MICALL1: variants seen among roughly 807,000 people sequenced by gnomAD.
MICALL1 encodes MICAL-like protein 1.
A neutral mutation model predicts 83.7 loss-of-function variants in MICALL1; 61 were observed. The ratio of observed to expected loss-of-function variants is 0.73; its 90% confidence interval spans 0.59 to 0.90. The LOEUF (loss-of-function observed/expected upper bound fraction) is 0.90. Among genes scored for constraint, MICALL1 ranks in the 40% least tolerant of loss-of-function variants. MICALL1 has a pLI of 0.00. For synonymous variants in MICALL1, 481 were observed against 473.6 expected (o/e 1.02, Z -0.20); for missense variants, 1,066 against 1,152.0 (o/e 0.93, Z 1.08).
At chr22:37,928,307 C>T (rs1037728410) in intron 9 of MICALL1, among the ~76,000 whole-genome samples, 2 of 151,900 alleles carry the variant, frequency 1.3e-5, no homozygotes, top group Non-Finnish European at 2.9e-5. Context: ...CCCAGGTTCA[C>T]ACCATTCTTC....
Position 37,912,412 on chromosome 22 carries a change from T to A in MICALL1, c.257T>A (p.Val86Asp), listed in dbSNP as rs1398081897. 3 of 1,613,956 alleles carry A rather than the reference T, an allele frequency of 1.9e-6. No individual in the cohort carries two copies. Among genetic ancestry groups the A allele is most frequent in the East Asian group, 4.5e-5 (2 of 44,870 alleles). ...IPALLDPNDM[V>D]SMSVPDCLSI... ...GCTCTCCTGGACCCCAATGACATGG[T>A]CTCCATGAGCGTCCCTGACTGCCTC... Residue 86 changes from valine (V) to aspartate (D), a missense_variant, in exon 3 of 16, where the codon GTC becomes GAC. Transcript: ENST00000215957.
chr22:37,940,667 C>T (rs1236676397), intron 15 of MICALL1, 42 bp from the exon 16 acceptor site: 2 of 1,609,656 alleles, frequency 1.2e-6, no homozygotes, highest in East Asian at 2.2e-5. Flanking sequence ...GGATGTACCC[C>T]TCTTCTCCAC....
At position 37,924,532 on chromosome 22, in the gene MICALL1, C is replaced by G. The variant is rs899261402; in HGVS notation, c.1025-128C>G. On this transcript the variant is annotated intron_variant, in intron 6 of 15. Coordinates refer to ENST00000215957, the MANE Select transcript of MICALL1 (RefSeq NM_033386.4). The surrounding 1 kb of genome is among the most constrained non-coding windows in gnomAD (Gnocchi z 5.2). ...GCTTATCTAATCTCCATGGGCTGGC[C>G]TGGGGAGGTGCGAGGGTGCCAGGAG... The G allele has an allele frequency of 7.1e-6, 6 of 850,188 alleles. No homozygotes were observed. The African/African-American group carries it at 1.0e-4, about 14-fold the overall frequency. 52.7% of individuals were successfully genotyped at this position (850,188 alleles called of 1,614,324 possible). A position where few individuals can be genotyped will look rare whatever the true frequency, so the allele number is the denominator to read the frequency against.
intron 13 of MICALL1, among the ~76,000 whole-genome samples, chr22:37,934,476 C>G (rs1326175914): frequency 2.6e-5 from 4 of 151,836 alleles, no homozygotes; most frequent in African/African-American, 9.7e-5. Flanking sequence ...TCCCCAGAAC[C>G]AGGTTGGGCC....
intron 6 of MICALL1, among the ~76,000 whole-genome samples, chr22:37,923,738 C>A (rs369291723): frequency 6.6e-6 from 1 of 152,278 alleles, no homozygotes; most frequent in South Asian, 2.1e-4. Context: ...CGTGTGTCCC[C>A]GAGCTCTCTG....
chr22:37,937,253 G>A (rs1288729736), intron 14 of MICALL1, 59 bp downstream of exon 14: 3 of 1,363,696 alleles, frequency 2.2e-6, no homozygotes, highest in Non-Finnish European at 3.0e-6. Context: ...CAGGCTCTGG[G>A]CCTCATGGGT....
At chr22:37,938,271 G>A (rs888574646) in intron 15 of MICALL1, among the ~76,000 whole-genome samples, 3 of 151,840 alleles carry the variant, frequency 2.0e-5, no homozygotes, top group Non-Finnish European at 4.4e-5. Flanking sequence ...GCGTGGTGGC[G>A]AGAGCTTGTA....
chr22:37,922,656 C>CTGGA (rs1929149195), intron 6 of MICALL1, among the ~76,000 whole-genome samples: 1 of 125,720 alleles, frequency 8.0e-6, no homozygotes, highest in African/African-American at 3.0e-5. Context: ...GTCCCCCAGG[C>CTGGA]TGGAGTGCAG....
chr22:37,937,217 G>A (rs781039874), intron 14 of MICALL1, 23 bp downstream of exon 14: 184 of 1,526,982 alleles, frequency 1.2e-4, no homozygotes, highest in Non-Finnish European at 1.5e-4. Flanking sequence ...GGGGTGGGGG[G>A]TCCTGGGGGC....
intron 6 of MICALL1, among the ~76,000 whole-genome samples, chr22:37,923,790 T>C (rs1469829204): frequency 2.0e-5 from 3 of 152,136 alleles, no homozygotes; most frequent in Non-Finnish European, 4.4e-5. Flanking sequence ...TCCTGGCCCA[T>C]CCACAGGCAC....
chr22:37,922,070 C>T lies in MICALL1; in HGVS notation c.668C>T (p.Pro223Leu), dbSNP rs768222466. The T allele has an allele frequency of 2.0e-5, 32 of 1,613,276 alleles. No homozygotes were observed. The highest frequency in any genetic ancestry group is 1.2e-4 in the South Asian group (11 of 91,078). Residue 223 changes from proline to leucine, a missense_variant, in exon 6 of 16, where the codon CCG (proline) becomes CTG (leucine). Pro to Leu is a moderately conservative substitution (Grantham distance 98). Coordinates refer to ENST00000215957, the MANE Select transcript of MICALL1 (RefSeq NM_033386.4). ...GCAGAACACTGTGCCAGGCTGGGCC[C>T]GGGGACACGGTCGGGGACCAGGCCT... is the stretch of plus-strand genomic sequence containing the variant. ...VCAEHCARLG[P>L]GTRSGTRPGP...
intron 3 of MICALL1, among the ~76,000 whole-genome samples, chr22:37,912,861 C>T (rs1299839887): frequency 6.6e-6 from 1 of 151,970 alleles, no homozygotes; most frequent in East Asian, 1.9e-4. Flanking sequence ...CAGGGTTTCA[C>T]TATGTTGGCC....
chr22:37,926,793 A>T (rs1287016904), intron 8 of MICALL1: 3 of 152,796 alleles, frequency 2.0e-5, no homozygotes, highest in Non-Finnish European at 2.9e-5. Flanking sequence ...GAGCCCTGGG[A>T]CCCCAGCTGA....
chr22:37,919,300 A>G (rs1286754857), intron 5 of MICALL1, 122 bp downstream of exon 5: 42 of 1,224,364 alleles, frequency 3.4e-5, no homozygotes, highest in Non-Finnish European at 4.3e-5. Context: ...GCTTATCCCC[A>G]TTTTACTGAT....
chr22:37,941,073 G>A lies in MICALL1; in HGVS notation c.*243G>A. 2.3e-6 allele frequency: 1 copy of A among 436,158 alleles called. No individual in the cohort carries two copies. Among genetic ancestry groups the A allele is most frequent in the Non-Finnish European group, 4.2e-6 (1 of 237,872 alleles). The allele number at this position is 436,158 out of a possible 1,614,324, so 27.0% of individuals were successfully genotyped here. On this transcript the variant is annotated 3_prime_UTR_variant, in exon 16 of 16. Coordinates refer to ENST00000215957, the MANE Select transcript of MICALL1 (RefSeq NM_033386.4). ...CAGCCCTGCCCAACCTGATTCTGAT[G>A]ACTGCGGATGCTGTGACGGACCCAA...
intron 8 of MICALL1, chr22:37,927,166 G>A (rs548169606): frequency 1.0e-4 from 51 of 505,714 alleles, no homozygotes; most frequent in Admixed American, 2.4e-4. Context: ...GCTATGGGGA[G>A]TGTGGGGAAG....
At chr22:37,939,921 C>G (rs990317964) in intron 15 of MICALL1, among the ~76,000 whole-genome samples, 2 of 151,766 alleles carry the variant, frequency 1.3e-5, no homozygotes, top group African/African-American at 2.4e-5. Flanking sequence ...GTAACCCCGT[C>G]TCTACTAAAA....
At chr22:37,936,907 A>C (rs368954943) in intron 13 of MICALL1, among the ~76,000 whole-genome samples, 173 bp from the exon 14 acceptor site, 10 of 152,142 alleles carry the variant, frequency 6.6e-5, no homozygotes, top group East Asian at 1.9e-4. Context: ...AAAAAACAAA[A>C]AAAAAAGAAC....
Position 37,922,138 on chromosome 22 carries a change from G to A in MICALL1, c.736G>A (p.Ala246Thr), listed in dbSNP as rs768310468. ...QPKQQHQQQL[A>T]EDAKDVPGGG... ...AAAGCAGCAGCACCAGCAGCAACTC[G>A]CAGAAGATGCCAAGGATGTTCCAGG... The change falls in exon 6 of 16, where the codon GCA (alanine) becomes ACA (threonine). Residue 246 changes from alanine (A) to threonine (T), a missense_variant. By Grantham distance (58) the Ala-to-Thr change is moderately conservative. Transcript: ENST00000215957. The A allele has an allele frequency of 1.4e-5, 23 of 1,613,122 alleles. No individual in the cohort carries two copies. Among genetic ancestry groups the A allele is most frequent in the Admixed American group, 8.3e-5 (5 of 60,010 alleles).
Sources: gnomAD v4.1 joint callset for allele counts (sites outside exome capture counted in the v4.1 genomes callset) on GRCh38, gnomAD v4.1.1 for gene constraint, Gnocchi (gnomAD v3.1) non-coding constraint, MANE v1.5 for transcripts, NCBI Gene and HGNC (gene_info 2026-07-23, HGNC 2026-07-21) for gene names.